Variants in OC90 observed in about 807,000 individuals in gnomAD.
OC90 encodes the protein otoconin 90, also known as otoconin-90.
A neutral mutation model predicts 47.3 loss-of-function variants in OC90; 46 were observed. The observed-to-expected ratio is 0.97, with a 90% confidence interval of 0.77 to 1.24. The LOEUF (loss-of-function observed/expected upper bound fraction) is 1.24. OC90 is among the 50% of genes most tolerant of loss of function. The probability of loss-of-function intolerance (pLI) is 0.00; values close to 1 mark genes in which losing one functional copy is unlikely to be tolerated. For synonymous variants in OC90, 271 were observed against 219.5 expected, an observed-to-expected ratio of 1.23 and a Z score of -2.07; for missense variants, 688 against 583.9, an observed-to-expected ratio of 1.18 and a Z score of -1.84.
At chr8:132,028,798 G>A (rs865831904) in intron 13 of OC90, among the ~76,000 whole-genome samples, 5 of 34,460 alleles carry the variant, frequency 1.5e-4, no homozygotes, top group East Asian at 1.1e-3. Context: ...GAAAGAAGAA[G>A]GAAAGAAAGA....
intron 2 of OC90, among the ~76,000 whole-genome samples, chr8:132,047,517 T>C (rs1823149631): frequency 6.6e-6 from 1 of 152,192 alleles, no homozygotes; most frequent in Non-Finnish European, 1.5e-5. Context: ...AAAGTTTGTT[T>C]CATCTGGGAG....
At chr8:132,041,419 T>C in intron 5 of OC90, 106 bp downstream of exon 5, 1 of 996,086 alleles carries the variant, frequency 1.0e-6, no homozygotes, top group Non-Finnish European at 1.5e-6. Flanking sequence ...CTCTCCTGAG[T>C]CCCAAGTCCA....
chr8:132,051,329 C>T (rs867557502), intron 2 of OC90, among the ~76,000 whole-genome samples: 1 of 152,338 alleles, frequency 6.6e-6, no homozygotes, highest in Admixed American at 6.5e-5. Context: ...CCTTCACTCA[C>T]CTATCTAACT....
At chr8:132,033,207 CAAGGA>C (rs1033280270) in intron 10 of OC90, 43 bp from the exon 11 acceptor site, 1 of 1,585,592 alleles carries the variant, frequency 6.3e-7, no homozygotes, top group Non-Finnish European at 8.6e-7. Flanking sequence ...AAAAGTGGCT[CAAGGA>C]GAGATTTGCA....
intron 2 of OC90, among the ~76,000 whole-genome samples, chr8:132,048,595 C>T (rs546175821): frequency 6.6e-6 from 1 of 151,606 alleles, no homozygotes; most frequent in African/African-American, 2.4e-5. Flanking sequence ...ACACCCTTAG[C>T]CACACTCTGC....
chr8:132,055,526 G>T (rs1365672187), intron 1 of OC90, among the ~76,000 whole-genome samples: 1 of 152,172 alleles, frequency 6.6e-6, no homozygotes, highest in Non-Finnish European at 1.5e-5. Context: ...TAAATAGCCC[G>T]TACTTTATGA....
At chr8:132,033,342 A>G (rs1822905831) in intron 10 of OC90, among the ~76,000 whole-genome samples, 178 bp from the exon 11 acceptor site, 1 of 152,212 alleles carries the variant, frequency 6.6e-6, no homozygotes, top group Non-Finnish European at 1.5e-5. Flanking sequence ...GAGAATTTCC[A>G]TATTTTCTAT....
intron 10 of OC90, 79 bp downstream of exon 10, chr8:132,034,702 A>T: frequency 1.0e-6 from 1 of 971,810 alleles, no homozygotes; most frequent in Non-Finnish European, 1.6e-6. Flanking sequence ...TTTGGAACCC[A>T]GTTGATATCA....
At chr8:132,058,705 A>ACCATCT (rs1823308976) in intron 1 of OC90, among the ~76,000 whole-genome samples, 1 of 152,168 alleles carries the variant, frequency 6.6e-6, no homozygotes, top group Non-Finnish European at 1.5e-5. Flanking sequence ...AAGGTAGAAC[A>ACCATCT]CCATCTCCGG....
Position 132,041,046 on chromosome 8 carries a change from C to A in OC90, c.455G>T (p.Cys152Phe). The change falls in exon 6 of 14, where the codon TGT becomes TTT. Residue 152 changes from cysteine to phenylalanine, a missense_variant and splice_region_variant. By Grantham distance (205) the Cys-to-Phe change is radical. Transcript: ENST00000254627. Reference protein sequence around the residue: ...EVNCVSKKIICESKDNCEHLL... With the variant: ...EVNCVSKKIIFESKDNCEHLL... The stretch of plus-strand genomic sequence containing the variant: ...CTGGGACACCTGGAGATGCTTACCA[C>A]ATATGATCTTCTTGCTGACACAATT... 6.4e-7 allele frequency: 1 copy of A among 1,568,538 alleles called. No homozygotes were observed. Among genetic ancestry groups the A allele is most frequent in the Non-Finnish European group, 8.8e-7 (1 of 1,138,408 alleles).
chr8:132,041,701 T>TTG lies in OC90; in HGVS notation c.170-3_170-2insCA. 1 of 1,023,206 alleles carries TTG rather than the reference T, an allele frequency of 9.8e-7. No individual in the cohort carries two copies. Among genetic ancestry groups the TTG allele is most frequent in the Non-Finnish European group, 1.4e-6 (1 of 708,256 alleles). 63.4% of individuals were successfully genotyped at this position (1,023,206 alleles called of 1,614,324 possible). A position where few individuals can be genotyped will look rare whatever the true frequency, so the allele number is the denominator to read the frequency against. On this transcript the variant is annotated splice_region_variant and splice_polypyrimidine_tract_variant and intron_variant, in intron 4 of 13. Coordinates refer to ENST00000254627, the MANE Select transcript of OC90 (RefSeq NM_001080399.3). ...AGGTGAAGTGGGGGCCCAGGCAATC[T>TTG]GTGGGGGTGGGGGGCAGGGCCTGAT... is the stretch of plus-strand genomic sequence containing the variant.
chr8:132,033,703 A>G (rs1234319040), intron 10 of OC90, among the ~76,000 whole-genome samples: 2 of 152,072 alleles, frequency 1.3e-5, no homozygotes, highest in Non-Finnish European at 2.9e-5. Context: ...TTGCCATCAC[A>G]TCTCTTACCG....
chr8:132,041,731 A>C (rs371188914), intron 4 of OC90, 32 bp from the exon 5 acceptor site: 3 of 1,426,602 alleles, frequency 2.1e-6, no homozygotes, highest in Admixed American at 3.5e-5. Context: ...CCTGATAAGC[A>C]CTGGGAACTA....
chr8:132,049,697 T>C (rs1005344517), intron 2 of OC90: 1 of 415,108 alleles, frequency 2.4e-6, no homozygotes, highest in Non-Finnish European at 5.1e-6. Flanking sequence ...GCCCTTTCCA[T>C]ATAATTTTTA....
intron 5 of OC90, 38 bp from the exon 6 acceptor site, chr8:132,041,194 G>A (rs1385691854): frequency 2.3e-6 from 3 of 1,316,642 alleles, no homozygotes; most frequent in Non-Finnish European, 3.3e-6. Context: ...TGAGAGTGTG[G>A]GTTAGAGTGA....
intron 12 of OC90, among the ~76,000 whole-genome samples, chr8:132,029,421 TA>T (rs1313645894): frequency 6.6e-6 from 1 of 152,236 alleles, no homozygotes; most frequent in Non-Finnish European, 1.5e-5. Context: ...TCTTATTATT[TA>T]AAAACATTAT....
In OC90 at chr8:132,041,637, GGATCA is replaced by G; in HGVS notation, c.227_231del (p.Leu76ProfsTer18). 1 of 1,612,088 alleles carries G rather than the reference GGATCA, an allele frequency of 6.2e-7. No individual in the cohort carries two copies. The highest frequency in any genetic ancestry group is 8.5e-7 in the Non-Finnish European group (1 of 1,179,182). ...ACACACTTCATACCATTGACAAACT[GGATCA>G]GCACAGGGAAATTGGTGAAGACAGC... On this transcript the variant is annotated frameshift_variant, in exon 5 of 14. Transcript: ENST00000254627. LOFTEE classifies it high-confidence loss of function.
At chr8:132,047,060 C>T (rs1823143388) in intron 2 of OC90, among the ~76,000 whole-genome samples, 1 of 152,224 alleles carries the variant, frequency 6.6e-6, no homozygotes, top group Non-Finnish European at 1.5e-5. Context: ...GAAACACTTC[C>T]ATACACACTT....
At chr8:132,040,219 C>A (rs1368122881) in intron 6 of OC90, among the ~76,000 whole-genome samples, 2 of 152,238 alleles carry the variant, frequency 1.3e-5, no homozygotes, top group Non-Finnish European at 2.9e-5. Context: ...TAAGTCAGAT[C>A]AGGGTTCAAA....
Sources: gnomAD v4.1 joint callset for allele counts (sites outside exome capture counted in the v4.1 genomes callset) on GRCh38, gnomAD v4.1.1 for gene constraint, MANE v1.5 for transcripts, NCBI Gene and HGNC (gene_info 2026-07-23, HGNC 2026-07-21) for gene names.